The following ZNF276 variants were observed in gnomAD, a reference collection of about 807,000 sequenced individuals.
The protein encoded by ZNF276 is centromere protein Z.
Under a neutral mutation model 63.9 loss-of-function variants are expected in ZNF276, and 59 were observed. That is an observed-to-expected ratio of 0.92 (90% CI 0.75 to 1.15). The LOEUF is 1.15. Ranked by LOEUF, ZNF276 falls within the 50% of genes most tolerant of loss-of-function variation. The pLI, the probability that ZNF276 is intolerant of heterozygous loss-of-function variation, is 0.00. For missense variants in ZNF276, 1,084 were observed against 843.8 expected, an observed-to-expected ratio of 1.28 and a Z score of -3.53; for synonymous variants, 496 against 348.4, an observed-to-expected ratio of 1.42 and a Z score of -4.72.
At chr16:89,724,872 C>T (rs1372487015) in intron 4 of ZNF276, among the ~76,000 whole-genome samples, 2 of 152,176 alleles carry the variant, frequency 1.3e-5, no homozygotes, top group African/African-American at 4.8e-5. Context: ...CTCTATCTAC[C>T]TACCTATCTG....
chr16:89,720,705 CG>C, upstream of ZNF276: 1 of 1,338,314 alleles, frequency 7.5e-7, no homozygotes, highest in Non-Finnish European at 9.6e-7. Flanking sequence ...CCTCCCCGGG[CG>C]GGGGTCCCTC....
intron 9 of ZNF276, among the ~76,000 whole-genome samples, chr16:89,736,579 G>C (rs112788776): frequency 3.3e-5 from 5 of 151,450 alleles, no homozygotes; most frequent in South Asian, 2.1e-4. Context: ...GCCTGCCTTG[G>C]CCTTCCAAAG....
chr16:89,720,884 G>C, upstream of ZNF276: 1 of 1,339,696 alleles, frequency 7.5e-7, no homozygotes, highest in Non-Finnish European at 9.6e-7. Context: ...GGGAGGCGGC[G>C]GCGGTAGCCG....
At position 89,740,281 on chromosome 16, in the gene ZNF276, A is replaced by C; in HGVS notation, c.*2035A>C. The C allele has an allele frequency of 1.6e-6, 1 of 631,834 alleles. No homozygotes were observed. Among genetic ancestry groups the C allele is most frequent in the Non-Finnish European group, 2.8e-6 (1 of 351,526 alleles). 39.1% of individuals were successfully genotyped at this position (631,834 alleles called of 1,614,324 possible). A position where few individuals can be genotyped will look rare whatever the true frequency, so the allele number is the denominator to read the frequency against. On this transcript the variant is annotated 3_prime_UTR_variant, in exon 11 of 11. Coordinates refer to ENST00000443381, the MANE Select transcript of ZNF276 (RefSeq NM_001113525.2). ...TCTGGACAGAAGAGGCTCAGGTAGG[A>C]GGCCAGGGACTTCGAGCACCCACAC...
Position 89,722,664 on chromosome 16 carries a change from C to G in ZNF276, c.339C>G (p.Leu113=), listed in dbSNP as rs368385850. Residue 113 remains leucine, a synonymous_variant, in exon 2 of 11, where the codon CTC becomes CTG. Coordinates refer to ENST00000443381, the MANE Select transcript of ZNF276 (RefSeq NM_001113525.2). ...GGCCATCCGCAGAGGAGCGCGTGCT[C>G]GTACGGGACTTCCAGCGCCTGCTTG... The part of the protein sequence containing the change: ...MERPSAEERV[L]VRDFQRLLGV... 7.4e-6 allele frequency: 12 copies of G among 1,612,326 alleles called. No homozygotes were observed. The highest frequency in any genetic ancestry group is 1.0e-5 in the Non-Finnish European group (12 of 1,180,024).
upstream of ZNF276, chr16:89,721,522 C>T (rs1251001306): frequency 5.7e-6 from 6 of 1,049,816 alleles, no homozygotes; most frequent in South Asian, 5.4e-5. Context: ...TTGCTTCTCG[C>T]TCCGCCCCTC....
chr16:89,736,641 TTA>T (rs951094290), intron 9 of ZNF276, among the ~76,000 whole-genome samples: 1 of 151,688 alleles, frequency 6.6e-6, no homozygotes, highest in Non-Finnish European at 1.5e-5. Flanking sequence ...CCCAAATTTT[TTA>T]AATTACCTGG....
intron 9 of ZNF276, among the ~76,000 whole-genome samples, chr16:89,737,172 A>ACAGCCATAG (rs970602716): frequency 5.9e-5 from 9 of 152,148 alleles, no homozygotes; most frequent in Non-Finnish European, 8.8e-5. Flanking sequence ...ATTCTAGAGA[A>ACAGCCATAG]CAGCCATAGC....
Position 89,738,415 on chromosome 16 carries a change from G to C in ZNF276, c.*169G>C. The C allele has an allele frequency of 4.4e-6, 6 of 1,373,044 alleles. No individual in the cohort carries two copies. In the South Asian group the frequency reaches 8.0e-5, roughly 18 times the overall value. The allele number at this position is 1,373,044 out of a possible 1,614,324, so 85.1% of individuals were successfully genotyped here. A position where few individuals can be genotyped will look rare whatever the true frequency, so the allele number is the denominator to read the frequency against. ...GTAGCCTTCCTCTGCTCTGGGACCAGTGGTTTATTTTCCCGCAAACGCTGA... is the reference window on the plus strand; with the variant it reads ...GTAGCCTTCCTCTGCTCTGGGACCACTGGTTTATTTTCCCGCAAACGCTGA... On this transcript the variant is annotated 3_prime_UTR_variant, in exon 11 of 11. Coordinates refer to ENST00000443381, the MANE Select transcript of ZNF276 (RefSeq NM_001113525.2).
At chr16:89,725,859 C>G (rs2061453579) in intron 4 of ZNF276, among the ~76,000 whole-genome samples, 1 of 152,218 alleles carries the variant, frequency 6.6e-6, no homozygotes, top group Non-Finnish European at 1.5e-5. Context: ...TTTGCCCAGG[C>G]TGGTCTTGAA....
In ZNF276 at chr16:89,727,351, C is replaced by T. The variant is rs1332304273; in HGVS notation, c.1079C>T (p.Ser360Phe). ...GTAAAAGACGAGTTCAGTGACCTTTCTGAGGGGTGAGAGAAGAGTGGGTTT... is the reference window on the plus strand; with the variant it reads ...GTAAAAGACGAGTTCAGTGACCTTTTTGAGGGGTGAGAGAAGAGTGGGTTT... ...DRVKDEFSDL[S>F]EGDVLSEDEN... Residue 360 changes from serine (S) to phenylalanine (F), a missense_variant, in exon 5 of 11, where the codon TCT becomes TTT. Transcript: ENST00000443381. 1.2e-6 allele frequency: 2 copies of T among 1,613,994 alleles called. No homozygotes were observed.
chr16:89,724,846 C>G (rs542335852), intron 4 of ZNF276, among the ~76,000 whole-genome samples: 6 of 151,798 alleles, frequency 4.0e-5, no homozygotes, highest in African/African-American at 9.7e-5. Flanking sequence ...ATCTATCTTC[C>G]TACTTCTTTG....
intron 6 of ZNF276, chr16:89,731,427 T>A (rs540718734): frequency 6.6e-6 from 1 of 152,382 alleles, no homozygotes; most frequent in East Asian, 1.9e-4. Flanking sequence ...CTAATTTTTG[T>A]ATTTTTAGTA....
In ZNF276 at chr16:89,738,728, C is replaced by A; in HGVS notation, c.*482C>A. ...CAGCAGCTGTGAGAGAGGAGCAGGT[C>A]CTCAGCCCATGCCGCCCACTAGGCC... On this transcript the variant is annotated 3_prime_UTR_variant, in exon 11 of 11. Transcript: ENST00000443381. 2 of 1,613,488 alleles carry A rather than the reference C, an allele frequency of 1.2e-6. No homozygotes were observed. The highest frequency in any genetic ancestry group is 1.7e-6 in the Non-Finnish European group (2 of 1,179,782).
chr16:89,739,272 TG>T lies in ZNF276; in HGVS notation c.*1028del, dbSNP rs1277456757. 6.2e-7 allele frequency: 1 copy of T among 1,614,092 alleles called. No homozygotes were observed. The highest frequency in any genetic ancestry group is 1.1e-5 in the South Asian group (1 of 91,080). On this transcript the variant is annotated 3_prime_UTR_variant, in exon 11 of 11. Coordinates refer to ENST00000443381, the MANE Select transcript of ZNF276 (RefSeq NM_001113525.2). The stretch of plus-strand genomic sequence containing the variant: ...CTCTTCCCTGATGGCCGCGTCTTCA[TG>T]GAAGTAGGAGAGAAGACTAGAGGTA...
At position 89,738,132 on chromosome 16, in the gene ZNF276, C is replaced by T. The variant is rs1323346918; in HGVS notation, c.1731C>T (p.His577=). The part of the protein sequence containing the change: ...HNLNVHMSMV[H]PLTQTQDKAL... ...TCAATGTACACATGTCCATGGTGCA[C>T]CCGCTGACACAGACCCAGGACAAGG... Residue 577 remains histidine, a synonymous_variant, in exon 11 of 11, where the codon CAC becomes CAT. Coordinates refer to ENST00000443381, the MANE Select transcript of ZNF276 (RefSeq NM_001113525.2). 3 of 1,613,770 alleles carry T rather than the reference C, an allele frequency of 1.9e-6. No individual in the cohort carries two copies. The highest frequency in any genetic ancestry group is 4.5e-5 in the East Asian group (2 of 44,874).
At chr16:89,723,098 C>G in intron 2 of ZNF276, 39 bp from the exon 3 acceptor site, 1 of 1,612,896 alleles carries the variant, frequency 6.2e-7, no homozygotes, top group South Asian at 1.1e-5. Flanking sequence ...TGAACCTCCG[C>G]CTGCTTGTCC....
chr16:89,723,612 C>T lies in ZNF276; in HGVS notation c.909C>T (p.Pro303=), dbSNP rs34629175. The part of the protein sequence containing the change: ...TPVGAETKTL[P]STDVAQPPSD... ...TTGGGGCTGAGACCAAGACCCTGCC[C>T]AGCACGGATGTGGCCCAGCCTCCTT... The change falls in exon 4 of 11, where the codon CCC becomes CCT. Residue 303 remains proline, a synonymous_variant. Coordinates refer to ENST00000443381, the MANE Select transcript of ZNF276 (RefSeq NM_001113525.2). The T allele has an allele frequency of 4.2e-3, 6,747 of 1,612,786 alleles. 272 individuals are homozygous for T. The African/African-American group carries it at 0.08, about 19-fold the overall frequency.
In ZNF276 at chr16:89,740,300, C is replaced by G; in HGVS notation, c.*2054C>G. The G allele has an allele frequency of 1.7e-6, 1 of 600,670 alleles. No homozygotes were observed. Among genetic ancestry groups the G allele is most frequent in the Non-Finnish European group, 3.0e-6 (1 of 335,146 alleles). The allele number at this position is 600,670 out of a possible 1,614,324, so 37.2% of individuals were successfully genotyped here. The stretch of plus-strand genomic sequence containing the variant: ...GGTAGGAGGCCAGGGACTTCGAGCA[C>G]CCACACCAAGGCTGCTGCACCACGT... On this transcript the variant is annotated 3_prime_UTR_variant, in exon 11 of 11. Transcript: ENST00000443381.
Sources: allele counts gnomAD v4.1 joint callset (sites outside exome capture counted in the v4.1 genomes callset), GRCh38; gene constraint gnomAD v4.1.1; transcripts MANE v1.5; gene names NCBI Gene and HGNC (gene_info 2026-07-23, HGNC 2026-07-21).